The following OR51B5 variants were observed in gnomAD, a reference collection of about 807,000 sequenced individuals.
OR51B5 encodes the protein olfactory receptor family 51 subfamily B member 5.
For synonymous variants in OR51B5, 186 were observed against 144.8 expected (o/e 1.28, Z -2.04); for missense variants, 456 against 374.6 (o/e 1.22, Z -1.79).
At chr11:5,424,341 AAAACAAACAAACAAAAAAC>A (rs1225402513) in intron 1 of OR51B5, among the ~76,000 whole-genome samples, 2 of 151,884 alleles carry the variant, frequency 1.3e-5, no homozygotes, top group Non-Finnish European at 2.9e-5. Flanking sequence ...AAGGGAAAAC[AAAACAAACAAACAAAAAAC>A]AAACAAACAA....
At chr11:5,443,651 G>C (rs746179896) in intron 1 of OR51B5, among the ~76,000 whole-genome samples, 6 of 152,028 alleles carry the variant, frequency 3.9e-5, no homozygotes, top group Non-Finnish European at 8.8e-5. Context: ...AGTCTAGAAA[G>C]TAATATTTTA....
chr11:5,461,702 C>T (rs577711899), intron 1 of OR51B5, among the ~76,000 whole-genome samples: 2 of 152,306 alleles, frequency 1.3e-5, no homozygotes, highest in South Asian at 4.1e-4. Context: ...TTAAAATGCC[C>T]ATGGGGATTG....
At chr11:5,480,440 T>G (rs1851400150) in intron 1 of OR51B5, among the ~76,000 whole-genome samples, 1 of 150,640 alleles carries the variant, frequency 6.6e-6, no homozygotes, top group East Asian at 2.0e-4. Flanking sequence ...ACATCACAAT[T>G]AAAAGAACTA....
intron 1 of OR51B5, chr11:5,390,141 G>T: frequency 6.2e-7 from 1 of 1,613,784 alleles, no homozygotes; most frequent in Non-Finnish European, 8.5e-7. Flanking sequence ...GAGCAGCGCC[G>T]TGCCTTTCAG....
chr11:5,416,843 C>T (rs1407939409), intron 1 of OR51B5, among the ~76,000 whole-genome samples: 2 of 151,870 alleles, frequency 1.3e-5, no homozygotes, highest in South Asian at 2.1e-4. Flanking sequence ...GTGACAATGG[C>T]CATACTGCCC....
chr11:5,468,468 C>T (rs951236970), intron 1 of OR51B5: 7 of 339,810 alleles, frequency 2.1e-5, no homozygotes, highest in African/African-American at 1.5e-4. Flanking sequence ...TAAGCCTTTC[C>T]AGGACAGTTT....
intron 1 of OR51B5, among the ~76,000 whole-genome samples, chr11:5,371,289 A>AAAATTAAC (rs1849443612): frequency 6.6e-6 from 1 of 152,086 alleles, no homozygotes; most frequent in South Asian, 2.1e-4. Context: ...TTTTTTTAAA[A>AAAATTAAC]CTCAAACACA....
chr11:5,471,531 G>C (rs756774415), intron 1 of OR51B5, among the ~76,000 whole-genome samples: 1 of 151,946 alleles, frequency 6.6e-6, no homozygotes, highest in African/African-American at 2.4e-5. Flanking sequence ...AGTTACTCGG[G>C]AGTCTGAGGC....
At chr11:5,399,296 A>T (rs1334069253) in intron 1 of OR51B5, among the ~76,000 whole-genome samples, 1 of 152,318 alleles carries the variant, frequency 6.6e-6, no homozygotes, top group Admixed American at 6.5e-5. Context: ...AAAGACAATT[A>T]TTAATAAAAA....
intron 1 of OR51B5, among the ~76,000 whole-genome samples, chr11:5,356,171 C>G (rs1481836524): frequency 6.6e-6 from 1 of 152,102 alleles, no homozygotes; most frequent in Non-Finnish European, 1.5e-5. Flanking sequence ...GACGATCAAA[C>G]TACTCCGAGC....
chr11:5,351,267 C>A (rs1052243734), intron 1 of OR51B5, among the ~76,000 whole-genome samples: 1 of 152,128 alleles, frequency 6.6e-6, no homozygotes, highest in Non-Finnish European at 1.5e-5. Context: ...ATAGCTGTAT[C>A]CCCAACGTAG....
Position 5,343,216 on chromosome 11 carries a change from GT to G in OR51B5, c.308del (p.His103ProfsTer37). 6.2e-7 allele frequency: 1 copy of G among 1,613,718 alleles called. No individual in the cohort carries two copies. The highest frequency in any genetic ancestry group is 8.5e-7 in the Non-Finnish European group (1 of 1,179,854). Reference sequence around the variant, plus strand: ...TGCCAGACTCGAGAAAGGAAAGTGAGTGTATAAAGTAGGCCTGGGAAAAGCA... The same window carrying G: ...TGCCAGACTCGAGAAAGGAAAGTGAGGTATAAAGTAGGCCTGGGAAAAGCA... On this transcript the variant is annotated frameshift_variant, in exon 1 of 1. Coordinates refer to ENST00000300773, the Ensembl canonical transcript of OR51B5. LOFTEE classifies it low-confidence loss of function (END_TRUNC).
At chr11:5,395,463 C>A (rs558397670) in intron 1 of OR51B5, among the ~76,000 whole-genome samples, 1 of 152,056 alleles carries the variant, frequency 6.6e-6, no homozygotes, top group African/African-American at 2.4e-5. Context: ...AGGAAGATGG[C>A]CAATCTGTTG....
At chr11:5,422,335 C>A (rs1850352953) in intron 1 of OR51B5, 2 of 1,614,126 alleles carry the variant, frequency 1.2e-6, no homozygotes, top group Non-Finnish European at 8.5e-7. Context: ...TGGGCAATAC[C>A]ACCATCCTCA....
intron 1 of OR51B5, among the ~76,000 whole-genome samples, chr11:5,379,843 G>A (rs191779217): frequency 3.3e-5 from 5 of 152,096 alleles, no homozygotes; most frequent in East Asian, 1.9e-4. Flanking sequence ...TCTCCCTGGC[G>A]TCCTCTCTCA....
chr11:5,380,109 G>A (rs1324155917), intron 1 of OR51B5, among the ~76,000 whole-genome samples: 1 of 151,960 alleles, frequency 6.6e-6, no homozygotes, highest in Non-Finnish European at 1.5e-5. Flanking sequence ...TCCCAAAAGG[G>A]GTCTCTCTGA....
chr11:5,464,228 T>G (rs1851098694), intron 1 of OR51B5, among the ~76,000 whole-genome samples: 1 of 152,234 alleles, frequency 6.6e-6, no homozygotes, highest in African/African-American at 2.4e-5. Context: ...AAATATATTG[T>G]GAACACAAAA....
intron 1 of OR51B5, among the ~76,000 whole-genome samples, chr11:5,427,563 A>G (rs764989639): frequency 2.4e-4 from 37 of 152,106 alleles, no homozygotes; most frequent in Admixed American, 1.1e-3. Flanking sequence ...ATGCTGACAT[A>G]TTTTTTTTGC....
chr11:5,423,221 T>G (rs1233256980), intron 1 of OR51B5: 3 of 1,438,372 alleles, frequency 2.1e-6, no homozygotes, highest in Non-Finnish European at 2.7e-6. Flanking sequence ...ATATTCAGAA[T>G]TAGGAAACTA....
Sources: allele counts gnomAD v4.1 joint callset (sites outside exome capture counted in the v4.1 genomes callset), GRCh38; gene constraint gnomAD v4.1.1; transcripts MANE v1.5; gene names NCBI Gene and HGNC (gene_info 2026-07-23, HGNC 2026-07-21).